Variants in CALD1 observed in about 807,000 individuals in gnomAD.
CALD1 encodes the protein caldesmon.
A neutral mutation model predicts 99.9 loss-of-function variants in CALD1; 33 were observed. The ratio of observed to expected loss-of-function variants is 0.33; its 90% CI spans 0.25 to 0.44. The LOEUF is 0.44. Among genes scored for constraint, CALD1 ranks in the 20% least tolerant of loss-of-function variants. The pLI is 1.00. For synonymous variants in CALD1, 310 were observed against 325.0 expected (o/e 0.95, Z 0.50); for missense variants, 861 against 962.1 (o/e 0.89, Z 1.39).
chr7:134,900,884 A>T (rs909461483), intron 3 of CALD1, among the ~76,000 whole-genome samples: 1 of 152,050 alleles, frequency 6.6e-6, no homozygotes, highest in Non-Finnish European at 1.5e-5. Context: ...CAACAAACTG[A>T]TAGACGCCAG....
intron 3 of CALD1, among the ~76,000 whole-genome samples, chr7:134,911,277 C>T (rs1312870692): frequency 1.3e-5 from 2 of 150,980 alleles, no homozygotes; most frequent in East Asian, 3.9e-4. Context: ...CCCTGCAGCC[C>T]ATAGCAACAT....
intron 8 of CALD1, chr7:134,947,994 G>A (rs1405867988): frequency 8.4e-6 from 4 of 477,298 alleles, no homozygotes; most frequent in Non-Finnish European, 1.5e-5. Context: ...GAAAACTGAG[G>A]CACAGAGAGG....
At chr7:134,749,487 C>T (rs1034266471) in intron 1 of CALD1, among the ~76,000 whole-genome samples, 3 of 152,196 alleles carry the variant, frequency 2.0e-5, no homozygotes, top group Non-Finnish European at 2.9e-5. Flanking sequence ...GGCATGATGG[C>T]ACATGCCTGT....
At chr7:134,847,105 C>T (rs1010718424) in intron 2 of CALD1, among the ~76,000 whole-genome samples, 9 of 152,152 alleles carry the variant, frequency 5.9e-5, no homozygotes, top group Admixed American at 5.9e-4. Context: ...AAAAGAAGTG[C>T]TTTGAGTTGT....
In CALD1 at chr7:134,959,992, C is replaced by T. The variant is rs773559512; in HGVS notation, c.2080C>T (p.Pro694Ser). Reference protein sequence around the residue: ...SAIEGTKSAKPTKPAASDLPV... With the variant: ...SAIEGTKSAKSTKPAASDLPV... ...ATTTCAGGGAACAAAAAGCGCAAAA[C>T]CTACAAAGCCGGCAGCCTCGGATCT... is the stretch of plus-strand genomic sequence containing the variant. Residue 694 changes from proline to serine, a missense_variant, in exon 12 of 15, where the codon CCT (proline) becomes TCT (serine). Around this residue, in one of 5 missense-constraint regions of CALD1, gnomAD observed 190 missense variants for 249.0 expected, o/e 0.76. Coordinates refer to ENST00000361675, the MANE Select transcript of CALD1 (RefSeq NM_033138.4). The T allele has an allele frequency of 1.9e-6, 3 of 1,613,598 alleles. No individual in the cohort carries two copies. The highest frequency in any genetic ancestry group is 4.5e-5 in the East Asian group (2 of 44,884).
At chr7:134,810,544 G>C (rs529824379) in intron 1 of CALD1, among the ~76,000 whole-genome samples, 15 of 152,156 alleles carry the variant, frequency 9.9e-5, no homozygotes, top group Non-Finnish European at 1.9e-4. Context: ...CCTGGGGAGA[G>C]AGCTACAACA....
intron 8 of CALD1, among the ~76,000 whole-genome samples, chr7:134,948,612 AC>A (rs1273809365): frequency 6.6e-6 from 1 of 151,958 alleles, no homozygotes; most frequent in African/African-American, 2.4e-5. Context: ...CAGTAAGGAG[AC>A]CCCGCTTTTC....
intron 3 of CALD1, among the ~76,000 whole-genome samples, chr7:134,912,335 A>G (rs1016937579): frequency 6.6e-6 from 1 of 152,208 alleles, no homozygotes; most frequent in Non-Finnish European, 1.5e-5. Flanking sequence ...AAATGGATTT[A>G]CCAGTGGTAA....
intron 7 of CALD1, among the ~76,000 whole-genome samples, chr7:134,943,392 G>T (rs1300127947): frequency 6.6e-6 from 1 of 152,084 alleles, no homozygotes; most frequent in Non-Finnish European, 1.5e-5. Context: ...AGGCAGAGGT[G>T]GTGTGAACAA....
intron 3 of CALD1, among the ~76,000 whole-genome samples, chr7:134,905,912 C>G (rs1803339060): frequency 6.7e-6 from 1 of 148,320 alleles, no homozygotes; most frequent in Admixed American, 6.8e-5. Context: ...AATTTTGGAC[C>G]TCTCTATATC....
rs145994027 is a variant in CALD1 at position 134,871,667 on chromosome 7, G to C, written c.71+3863G>C. Among the ~76,000 whole-genome samples, 297 of 151,992 alleles carry C rather than the reference G, an allele frequency of 2.0e-3. 2 individuals carry two copies. The highest frequency in any genetic ancestry group is 6.4e-3 in the African/African-American group (266 of 41,460). On this transcript the variant is annotated intron_variant, in intron 3 of 14. Transcript: ENST00000361675. Reference sequence around the variant, plus strand: ...CCCCTGCAGACAGTGTGGGGGATGGGGTATACTACAGAGAAGAGAAAGTCC... The same window carrying C: ...CCCCTGCAGACAGTGTGGGGGATGGCGTATACTACAGAGAAGAGAAAGTCC...
rs1808855693 is a variant in CALD1, at chr7:134,968,724, T to C, written c.*379T>C. The C allele has an allele frequency of 3.0e-6, 1 of 332,550 alleles. No individual in the cohort carries two copies. 20.6% of individuals were successfully genotyped at this position (332,550 alleles called of 1,614,324 possible). On this transcript the variant is annotated 3_prime_UTR_variant, in exon 15 of 15. Transcript: ENST00000361675. ...CTAGAAAAATGAACCGTAGTTTTTG[T>C]TTTTTTAAATACAGAAGTCATGTTG...
Position 134,947,581 on chromosome 7 carries a change from C to T in CALD1, c.1606C>T (p.Leu536=), listed in dbSNP as rs1432347689. ...CCCCCAGGTGGAAGCCGGCAAAAGG[C>T]TGGAGGAGCTTCGTCGTCGTCGCGG... ...GAPQVEAGKR[L]EELRRRRGET... is the part of the protein sequence containing the mutation. The change falls in exon 8 of 15, where the codon CTG becomes TTG. Residue 536 remains leucine, a synonymous_variant. Transcript: ENST00000361675. The T allele has an allele frequency of 3.2e-6, 5 of 1,561,680 alleles. No homozygotes were observed. In the African/African-American group the frequency reaches 5.4e-5, roughly 17 times the overall value.
chr7:134,925,259 G>A (rs533289310), intron 3 of CALD1, among the ~76,000 whole-genome samples: 119 of 152,114 alleles, frequency 7.8e-4, no homozygotes, highest in Non-Finnish European at 1.4e-3. Flanking sequence ...CATGTGATGT[G>A]GCCTACGTGG....
At chr7:134,766,215 G>C (rs1404172118) in intron 1 of CALD1, among the ~76,000 whole-genome samples, 1 of 130,014 alleles carries the variant, frequency 7.7e-6, no homozygotes, top group Non-Finnish European at 1.5e-5. Flanking sequence ...GTAGTGGCAC[G>C]ATCTTGGCTC....
At chr7:134,963,161 G>A (rs1377033796) in intron 13 of CALD1, among the ~76,000 whole-genome samples, 2 of 152,166 alleles carry the variant, frequency 1.3e-5, no homozygotes, top group Non-Finnish European at 1.5e-5. Flanking sequence ...CTGCTTTCCA[G>A]AGCTTCCCTC....
At chr7:134,718,618 T>A in the CALD1 span, among the ~76,000 whole-genome samples, 1 of 152,182 alleles carries the variant, frequency 6.6e-6, no homozygotes, top group Non-Finnish European at 1.5e-5. Context: ...AAAAGGCTTG[T>A]TATGCATTAA....
the CALD1 span, among the ~76,000 whole-genome samples, chr7:134,732,996 C>T: frequency 6.6e-6 from 1 of 152,230 alleles, no homozygotes; most frequent in African/African-American, 2.4e-5. Flanking sequence ...TCACACGACA[C>T]TGATCACACT....
intron 2 of CALD1, among the ~76,000 whole-genome samples, chr7:134,849,544 T>A (rs1453102960): frequency 6.6e-6 from 1 of 152,198 alleles, no homozygotes; most frequent in Admixed American, 6.5e-5. Context: ...GCTATGTAAA[T>A]CACTGTTATA....
Sources: gnomAD v4.1 joint callset for allele counts (sites outside exome capture counted in the v4.1 genomes callset) on GRCh38, gnomAD v4.1.1 for gene constraint, gnomAD v4.1.1 regional missense constraint, MANE v1.5 for transcripts, NCBI Gene and HGNC (gene_info 2026-07-23, HGNC 2026-07-21) for gene names.